Variants in SLC25A36 observed in about 807,000 individuals in gnomAD.
The protein encoded by SLC25A36 is epididymis secretory sperm binding protein.
In SLC25A36, 24 loss-of-function variants were observed where a neutral mutation model predicts 35.3. The observed-to-expected ratio is 0.68, with a 90% confidence interval of 0.49 to 0.96. The LOEUF is 0.96. SLC25A36 is among the 40% of genes least tolerant of loss of function. SLC25A36 has a pLI of 0.00. For synonymous variants in SLC25A36, 141 were observed against 132.2 expected (o/e 1.07, Z -0.46); for missense variants, 294 against 381.1 (o/e 0.77, Z 1.90).
Position 140,976,432 on chromosome 3 carries a change from G to C in SLC25A36, c.915G>C (p.Val305=). 1 of 1,612,334 alleles carries C rather than the reference G, an allele frequency of 6.2e-7. No homozygotes were observed. Among genetic ancestry groups the C allele is most frequent in the South Asian group, 1.1e-5 (1 of 90,708 alleles). The change falls in exon 7 of 7, where the codon GTG becomes GTC. Residue 305 remains valine, a synonymous_variant. Transcript: ENST00000324194. ...TTATGATGGCCACCTATGAATTGGT[G>C]GTTTACCTACTCAATGGATAGCAGC... ...TAIMMATYEL[V]VYLLNG
chr3:140,956,931 C>A, intron 2 of SLC25A36: 1 of 568,350 alleles, frequency 1.8e-6, no homozygotes, highest in Non-Finnish European at 2.5e-6. Context: ...TACATTTATC[C>A]AGTGGAGTTT....
chr3:140,966,810 C>CA (rs1052275338), intron 4 of SLC25A36: 8 of 382,332 alleles, frequency 2.1e-5, no homozygotes, highest in African/African-American at 1.7e-4. Flanking sequence ...TTAAAATTTT[C>CA]AAAAAAGTTA....
intron 4 of SLC25A36, chr3:140,970,714 A>G: frequency 2.7e-6 from 1 of 368,800 alleles, no homozygotes. Context: ...TGCTTTTAAA[A>G]GAATCTGTTA....
At chr3:140,958,388 A>G (rs899234258) in intron 2 of SLC25A36, among the ~76,000 whole-genome samples, 1 of 152,186 alleles carries the variant, frequency 6.6e-6, no homozygotes, top group Non-Finnish European at 1.5e-5. Flanking sequence ...TCTAGGTTGT[A>G]TAGTATTTGC....
chr3:140,956,081 C>G (rs1280341896), intron 1 of SLC25A36, among the ~76,000 whole-genome samples: 1 of 152,172 alleles, frequency 6.6e-6, no homozygotes, highest in Non-Finnish European at 1.5e-5. Flanking sequence ...TCAGTGAGTT[C>G]TTCCTTATTG....
intron 4 of SLC25A36, chr3:140,968,060 G>T: frequency 1.5e-5 from 15 of 985,060 alleles, no homozygotes; most frequent in Non-Finnish European, 1.8e-5. Flanking sequence ...GGGAAGATAT[G>T]TTTAGCTTGG....
chr3:140,970,005 A>G (rs778537665), intron 4 of SLC25A36, among the ~76,000 whole-genome samples: 7 of 151,970 alleles, frequency 4.6e-5, no homozygotes, highest in Non-Finnish European at 8.8e-5. Context: ...TTTTGTGTAG[A>G]TGAAGCAATC....
chr3:140,968,530 T>C, intron 4 of SLC25A36: 1 of 962,426 alleles, frequency 1.0e-6, no homozygotes, highest in Non-Finnish European at 1.2e-6. Context: ...AAGTGAGAAA[T>C]ACCTGTTGTT....
intron 1 of SLC25A36, among the ~76,000 whole-genome samples, chr3:140,955,658 A>G (rs1262046960): frequency 1.3e-5 from 2 of 152,124 alleles, no homozygotes; most frequent in Non-Finnish European, 2.9e-5. Flanking sequence ...TTCCACGTGT[A>G]GGCCTGACAG....
intron 1 of SLC25A36, among the ~76,000 whole-genome samples, chr3:140,953,135 G>A (rs1934373363): frequency 6.6e-6 from 1 of 152,102 alleles, no homozygotes; most frequent in South Asian, 2.1e-4. Flanking sequence ...ACTGTGTGAT[G>A]ATGACTCATG....
In SLC25A36 at chr3:140,976,870, C is replaced by T. The variant is rs1229935829; in HGVS notation, c.*417C>T. ...CCTTTGTTTAATTCCAGTAAAATAACAGCAATGACAATGAGATCGTCAGTA... is the reference window on the plus strand; with the variant it reads ...CCTTTGTTTAATTCCAGTAAAATAATAGCAATGACAATGAGATCGTCAGTA... On this transcript the variant is annotated 3_prime_UTR_variant, in exon 7 of 7. Transcript: ENST00000324194. 9 of 153,016 alleles carry T rather than the reference C, an allele frequency of 5.9e-5. No individual in the cohort carries two copies. In the Admixed American group the frequency reaches 5.9e-4, roughly 10 times the overall value. 9.5% of individuals were successfully genotyped at this position (153,016 alleles called of 1,614,324 possible). A position where few individuals can be genotyped will look rare whatever the true frequency, so the allele number is the denominator to read the frequency against.
intron 3 of SLC25A36, among the ~76,000 whole-genome samples, chr3:140,960,800 CAG>C (rs200824151): frequency 0.023 from 3,449 of 152,162 alleles, 124 homozygotes; most frequent in African/African-American, 0.08. Context: ...AGTCAAAAGA[CAG>C]AGAACAAGCA....
intron 2 of SLC25A36, among the ~76,000 whole-genome samples, chr3:140,958,889 T>A (rs1042096160): frequency 6.6e-6 from 1 of 151,944 alleles, no homozygotes; most frequent in African/African-American, 2.4e-5. Flanking sequence ...CTGAACAGAT[T>A]TTTTAATCAT....
intron 1 of SLC25A36, among the ~76,000 whole-genome samples, chr3:140,950,590 A>G (rs1934292107): frequency 6.6e-6 from 1 of 152,184 alleles, no homozygotes; most frequent in Non-Finnish European, 1.5e-5. Flanking sequence ...AAGGGTATAC[A>G]GTAGGCAATT....
In SLC25A36 at chr3:140,948,247, G is replaced by A. The variant is rs573238493; in HGVS notation, c.41+6152G>A. ...TGGAATTACAGGCCTGAGCTACCACGCCCAGCCCAGTCTACATGTTTTAAG... is the reference window on the plus strand; with the variant it reads ...TGGAATTACAGGCCTGAGCTACCACACCCAGCCCAGTCTACATGTTTTAAG... On this transcript the variant is annotated intron_variant, in intron 1 of 6. Transcript: ENST00000324194. Among the ~76,000 whole-genome samples, 4 of 152,258 alleles carry A rather than the reference G, an allele frequency of 2.6e-5. No homozygotes were observed. The East Asian group carries it at 5.8e-4, about 22-fold the overall frequency.
Position 140,970,937 on chromosome 3 carries a change from A to G in SLC25A36, c.396A>G (p.Ala132=). 3 of 1,486,786 alleles carry G rather than the reference A, an allele frequency of 2.0e-6. No individual in the cohort carries two copies. Among genetic ancestry groups the G allele is most frequent in the Non-Finnish European group, 2.8e-6 (3 of 1,065,320 alleles). The allele number at this position is 1,486,786 out of a possible 1,614,324, so 92.1% of individuals were successfully genotyped here. The change falls in exon 5 of 7, where the codon GCA becomes GCG. Residue 132 remains alanine, a synonymous_variant. Transcript: ENST00000324194. ...MISAAMAGFT[A]ITATNPIWLI... is the part of the protein sequence containing the mutation. ...AACATGTTTGTTTAGGTTTTACTGC[A>G]ATCACAGCAACCAACCCCATTTGGC... is the stretch of plus-strand genomic sequence containing the variant.
chr3:140,958,619 T>C (rs749273155), intron 2 of SLC25A36, among the ~76,000 whole-genome samples: 20 of 152,072 alleles, frequency 1.3e-4, no homozygotes, highest in Admixed American at 2.6e-4. Context: ...TTAAAGGACA[T>C]TAGGGTGATA....
rs759365003 is a variant in SLC25A36, at chr3:140,942,356, A to T, written c.41+261A>T. The T allele has an allele frequency of 3.1e-4, 111 of 355,970 alleles. 2 individuals carry two copies. The highest frequency in any genetic ancestry group is 5.3e-4 in the Non-Finnish European group (104 of 196,404). The allele number at this position is 355,970 out of a possible 1,614,324, so 22.1% of individuals were successfully genotyped here. A position where few individuals can be genotyped will look rare whatever the true frequency, so the allele number is the denominator to read the frequency against. The stretch of plus-strand genomic sequence containing the variant: ...AGGCCCGGGCAAAGAGGGTTGAGGC[A>T]TGAAACCCGGGCCGGGAGTGAGGTT... On this transcript the variant is annotated intron_variant, in intron 1 of 6. Coordinates refer to ENST00000324194, the MANE Select transcript of SLC25A36 (RefSeq NM_001104647.3).
At chr3:140,951,294 T>A (rs1378479900) in intron 1 of SLC25A36, among the ~76,000 whole-genome samples, 2 of 152,150 alleles carry the variant, frequency 1.3e-5, no homozygotes, top group Non-Finnish European at 2.9e-5. Flanking sequence ...GAAGCAATAG[T>A]TTTGTTCTCT....
Sources: allele counts gnomAD v4.1 joint callset (sites outside exome capture counted in the v4.1 genomes callset), GRCh38; gene constraint gnomAD v4.1.1; transcripts MANE v1.5; gene names NCBI Gene and HGNC (gene_info 2026-07-23, HGNC 2026-07-21).